Variants in GMCL1 observed in about 807,000 individuals in gnomAD.
The protein encoded by GMCL1 is germ cell-less 1, spermatogenesis associated.
GMCL1 carries 54 observed loss-of-function variants against 75.5 expected under a neutral mutation model. The observed-to-expected ratio is 0.71, with a 90% CI of 0.57 to 0.90. GMCL1 has a LOEUF of 0.90. Among genes scored for constraint, GMCL1 ranks in the 40% least tolerant of loss-of-function variants. The pLI is 0.00. For missense variants in GMCL1, 537 were observed against 622.7 expected, an observed-to-expected ratio of 0.86 and a Z score of 1.47; for synonymous variants, 210 against 209.6, an observed-to-expected ratio of 1.00 and a Z score of -0.02.
At position 69,881,040 on chromosome 2, in the gene GMCL1, GAAGTA is replaced by G. The variant is rs1676263268; in HGVS notation, c.*2040_*2044del. On this transcript the variant is annotated 3_prime_UTR_variant, in exon 14 of 14. Transcript: ENST00000282570. ...GATAATTAAGTTTTTGCAGATCTTG[GAAGTA>G]AAGATAATGTTTTGATCATATTAAT... is the stretch of plus-strand genomic sequence containing the variant. The G allele has an allele frequency of 6.6e-6, 1 of 152,088 alleles. No individual in the cohort carries two copies. 9.4% of individuals were successfully genotyped at this position (152,088 alleles called of 1,614,324 possible). A position where few individuals can be genotyped will look rare whatever the true frequency, so the allele number is the denominator to read the frequency against.
chr2:69,848,436 G>C (rs1334515061), intron 7 of GMCL1, among the ~76,000 whole-genome samples: 2 of 152,272 alleles, frequency 1.3e-5, no homozygotes, highest in African/African-American at 4.8e-5. Context: ...GTCAGGCACA[G>C]TGGCTTACGC....
intron 10 of GMCL1, 72 bp downstream of exon 10, chr2:69,861,419 TGA>T (rs1491447073): frequency 1.1e-6 from 1 of 890,254 alleles, no homozygotes; most frequent in Admixed American, 2.2e-5. Flanking sequence ...TTCATTATGT[TGA>T]AAAATCATTA....
intron 7 of GMCL1, among the ~76,000 whole-genome samples, chr2:69,848,320 CTCTT>C (rs113417872): frequency 0.069 from 10,486 of 152,192 alleles, 938 homozygotes; most frequent in Admixed American, 0.22. Flanking sequence ...CTCATAGGGA[CTCTT>C]TGTTTGTTTG....
At chr2:69,874,760 G>A (rs1180767948) in intron 13 of GMCL1, among the ~76,000 whole-genome samples, 4 of 130,868 alleles carry the variant, frequency 3.1e-5, no homozygotes, top group South Asian at 2.4e-4. Flanking sequence ...TTTTTTTTCC[G>A]AGACAGGTTG....
chr2:69,829,678 GGGGGCGA>G lies in GMCL1; in HGVS notation c.-212_-206del, dbSNP rs1674609005. The G allele has an allele frequency of 1.9e-6, 1 of 533,978 alleles. No individual in the cohort carries two copies. The highest frequency in any genetic ancestry group is 3.2e-6 in the Non-Finnish European group (1 of 311,088). 33.1% of individuals were successfully genotyped at this position (533,978 alleles called of 1,614,324 possible). A position where few individuals can be genotyped will look rare whatever the true frequency, so the allele number is the denominator to read the frequency against. On this transcript the variant is annotated 5_prime_UTR_variant, in exon 1 of 14. Coordinates refer to ENST00000282570, the MANE Select transcript of GMCL1 (RefSeq NM_178439.5). ...GTCCCGCGCTTTGTTGCGAAAGCGA[GGGGGCGA>G]GGTGCTGCGGTGCTAGAGCGCGGCG...
At position 69,869,805 on chromosome 2, in the gene GMCL1, A is replaced by C. The variant is rs750471315; in HGVS notation, c.1305A>C (p.Thr435=). The C allele has an allele frequency of 1.9e-6, 3 of 1,613,882 alleles. No homozygotes were observed. The highest frequency in any genetic ancestry group is 2.5e-6 in the Non-Finnish European group (3 of 1,180,000). ...GATACATCATTTTCAAACGCAATAC[A>C]CTGAATCAGCCATGTAGCGGATCTG... The part of the protein sequence containing the change: ...TNRYIIFKRN[T]LNQPCSGSVS... The change falls in exon 12 of 14, where the codon ACA becomes ACC. Residue 435 remains threonine, a synonymous_variant. Coordinates refer to ENST00000282570, the MANE Select transcript of GMCL1 (RefSeq NM_178439.5).
chr2:69,848,087 A>C (rs573251368), intron 7 of GMCL1, among the ~76,000 whole-genome samples: 106 of 152,176 alleles, frequency 7.0e-4, no homozygotes, highest in Non-Finnish European at 1.2e-3. Flanking sequence ...TAAAAAATCT[A>C]ATTTTATTTT....
At chr2:69,875,081 C>T (rs1676090215) in intron 13 of GMCL1, among the ~76,000 whole-genome samples, 1 of 152,132 alleles carries the variant, frequency 6.6e-6, no homozygotes, top group African/African-American at 2.4e-5. Context: ...TTTCAACCTT[C>T]AAAACAATCT....
chr2:69,875,659 T>C (rs556793116), intron 13 of GMCL1, among the ~76,000 whole-genome samples: 5 of 152,294 alleles, frequency 3.3e-5, no homozygotes, highest in Non-Finnish European at 7.4e-5. Flanking sequence ...ATATTGTTCC[T>C]GTGTATTTCC....
chr2:69,846,790 G>A (rs988405638), intron 6 of GMCL1, among the ~76,000 whole-genome samples: 1 of 151,742 alleles, frequency 6.6e-6, no homozygotes, highest in Non-Finnish European at 1.5e-5. Flanking sequence ...AAGCCTAGAG[G>A]TTAAAGATTA....
intron 9 of GMCL1, 145 bp from the exon 10 acceptor site, chr2:69,861,133 A>G (rs990921677): frequency 1.8e-5 from 10 of 566,648 alleles, no homozygotes; most frequent in Non-Finnish European, 3.1e-5. Context: ...ATGAGCCACC[A>G]TGCTTGGCCT....
chr2:69,830,103 G>C lies in GMCL1; in HGVS notation c.211G>C (p.Asp71His). 1 of 1,579,136 alleles carries C rather than the reference G, an allele frequency of 6.3e-7. No individual in the cohort carries two copies. The highest frequency in any genetic ancestry group is 1.2e-5 in the South Asian group (1 of 86,386). The stretch of plus-strand genomic sequence containing the variant: ...TCACCCTGACTCGGAGACGGACGAG[G>C]ATGAGGAGGAGGGGGACGAGCAGCA... ...YCHPDSETDE[D>H]EEEGDEQQRL... Residue 71 changes from aspartate (D) to histidine (H), a missense_variant, in exon 1 of 14, where the codon GAT (aspartate) becomes CAT (histidine). Asp to His is a moderately conservative substitution (Grantham distance 81, BLOSUM62 -1). Around this residue, in one of 3 missense-constraint regions of GMCL1, gnomAD observed 144 missense variants for 127.2 expected, o/e 1.13. Coordinates refer to ENST00000282570, the MANE Select transcript of GMCL1 (RefSeq NM_178439.5).
At position 69,871,744 on chromosome 2, in the gene GMCL1, G is replaced by T; in HGVS notation, c.1365-1G>T. On this transcript the variant is annotated splice_acceptor_variant, in intron 12 of 13. Transcript: ENST00000282570. LOFTEE classifies it high-confidence loss of function. ...ATTTTTTATTTTTTTTTTAATCCTAGATTACGTTTGGCTTCTTTTGATAGT... is the reference window on the plus strand; with the variant it reads ...ATTTTTTATTTTTTTTTTAATCCTATATTACGTTTGGCTTCTTTTGATAGT... 2 of 1,487,842 alleles carry T rather than the reference G, an allele frequency of 1.3e-6. No homozygotes were observed. Among genetic ancestry groups the T allele is most frequent in the Non-Finnish European group, 9.2e-7 (1 of 1,087,112 alleles). The allele number at this position is 1,487,842 out of a possible 1,614,324, so 92.2% of individuals were successfully genotyped here.
chr2:69,871,620 A>G, intron 12 of GMCL1, 125 bp from the exon 13 acceptor site: 1 of 562,842 alleles, frequency 1.8e-6, no homozygotes, highest in Non-Finnish European at 3.1e-6. Flanking sequence ...GTTTGAAAAG[A>G]CTTCCTAAAA....
At chr2:69,852,277 C>G (rs942188168) in intron 8 of GMCL1, among the ~76,000 whole-genome samples, 4 of 152,202 alleles carry the variant, frequency 2.6e-5, no homozygotes, top group African/African-American at 9.6e-5. Context: ...ACTAGAGAAG[C>G]AAGCTGTGGT....
At chr2:69,848,359 G>A (rs1055153816) in intron 7 of GMCL1, among the ~76,000 whole-genome samples, 1 of 152,164 alleles carries the variant, frequency 6.6e-6, no homozygotes, top group Non-Finnish European at 1.5e-5. Context: ...GTGAAATTTT[G>A]TTACTGTTTT....
chr2:69,838,970 A>G (rs12613917), intron 2 of GMCL1, among the ~76,000 whole-genome samples: 31,441 of 152,112 alleles, frequency 0.21, 3,426 homozygotes, highest in African/African-American at 0.25. Context: ...GAGGAGTGCT[A>G]TCTGGCAGAT....
intron 10 of GMCL1, 22 bp downstream of exon 10, chr2:69,861,369 A>AT: frequency 1.3e-6 from 2 of 1,482,148 alleles, no homozygotes; most frequent in Non-Finnish European, 9.2e-7. Context: ...ATACCTTATC[A>AT]TTTTTCATTA....
intron 1 of GMCL1, among the ~76,000 whole-genome samples, chr2:69,836,601 T>C (rs1674825354): frequency 6.6e-6 from 1 of 152,224 alleles, no homozygotes; most frequent in Admixed American, 6.5e-5. Flanking sequence ...ATTCAGGATG[T>C]CATCTGAAAC....
Sources: allele counts gnomAD v4.1 joint callset (sites outside exome capture counted in the v4.1 genomes callset), GRCh38; gene constraint gnomAD v4.1.1; regional missense constraint gnomAD v4.1.1; transcripts MANE v1.5; gene names NCBI Gene and HGNC (gene_info 2026-07-23, HGNC 2026-07-21).